The following P2RY8 variants were observed in gnomAD, a reference collection of about 807,000 sequenced individuals.
P2RY8 encodes S-geranylgeranyl-glutathione receptor P2RY8.
In P2RY8, 6 loss-of-function variants were observed where a neutral mutation model predicts 10.0. That is an observed-to-expected ratio of 0.60 (90% CI 0.33 to 1.19). The LOEUF (loss-of-function observed/expected upper bound fraction) is 1.19. P2RY8 is among the 50% of genes most tolerant of loss of function. The pLI is 0.04. For synonymous variants in P2RY8, 276 were observed against 252.5 expected (o/e 1.09, Z -0.88); for missense variants, 456 against 542.0 (o/e 0.84, Z 1.58).
intron 1 of P2RY8, among the ~76,000 whole-genome samples, chrX:1,483,263 C>T (rs1287415210): frequency 6.6e-6 from 1 of 152,098 alleles, no homozygotes; most frequent in East Asian, 1.9e-4. Context: ...GGAGAAGAAA[C>T]CGAGACGGTC....
chrX:1,532,317 C>T (rs2092480918), intron 1 of P2RY8, among the ~76,000 whole-genome samples: 3 of 22,944 alleles, frequency 1.3e-4, no homozygotes, highest in African/African-American at 1.9e-4. Flanking sequence ...CATATATATA[C>T]ACACACGTAT....
intron 1 of P2RY8, among the ~76,000 whole-genome samples, chrX:1,524,107 A>G (rs1439242409): frequency 6.6e-6 from 1 of 152,166 alleles, no homozygotes; most frequent in Non-Finnish European, 1.5e-5. Flanking sequence ...GTCTCCCCGT[A>G]ACCCCGTTCC....
At chrX:1,470,241 G>T (rs2091767558) in intron 1 of P2RY8, among the ~76,000 whole-genome samples, 2 of 147,060 alleles carry the variant, frequency 1.4e-5, no homozygotes, top group Non-Finnish European at 3.0e-5. Flanking sequence ...GCCAGGCGCG[G>T]TGACTCACGT....
chrX:1,525,107 C>G (rs772422640), intron 1 of P2RY8, among the ~76,000 whole-genome samples: 1 of 152,192 alleles, frequency 6.6e-6, no homozygotes, highest in African/African-American at 2.4e-5. Context: ...GAGTGGGGAC[C>G]CCCCAAAATC....
chrX:1,520,034 TC>T (rs1381371952), intron 1 of P2RY8, among the ~76,000 whole-genome samples: 1 of 151,804 alleles, frequency 6.6e-6, no homozygotes. Flanking sequence ...CAATCATCTC[TC>T]TCTGGTCCCC....
chrX:1,498,135 G>C (rs145428217), intron 1 of P2RY8, among the ~76,000 whole-genome samples: 1,528 of 152,100 alleles, frequency 0.01, 26 homozygotes, highest in African/African-American at 0.035. Flanking sequence ...GGCCGGGCGC[G>C]GTGGCTCACG....
chrX:1,490,643 C>T (rs2092036982), intron 1 of P2RY8, among the ~76,000 whole-genome samples: 2 of 136,020 alleles, frequency 1.5e-5, no homozygotes, highest in Admixed American at 1.5e-4. Context: ...GGATTCTCCA[C>T]AAATGTGGAG....
intron 1 of P2RY8, among the ~76,000 whole-genome samples, chrX:1,498,820 G>A (rs1460826544): frequency 3.3e-5 from 5 of 150,254 alleles, no homozygotes; most frequent in South Asian, 4.2e-4. Context: ...TGACAGGTGC[G>A]AACCACCGCA....
intron 1 of P2RY8, among the ~76,000 whole-genome samples, chrX:1,500,740 G>A (rs770030720): frequency 4.9e-4 from 74 of 152,200 alleles, no homozygotes; most frequent in African/African-American, 1.7e-3. Flanking sequence ...GAGGCCCTGC[G>A]CCCGGCCACG....
At chrX:1,474,173 G>A (rs2091844225) in intron 1 of P2RY8, among the ~76,000 whole-genome samples, 1 of 151,894 alleles carries the variant, frequency 6.6e-6, no homozygotes, top group South Asian at 2.1e-4. Flanking sequence ...TGGGTGTATG[G>A]ATGGGTGGAT....
At position 1,536,177 on chromosome X, in the gene P2RY8, G is replaced by A. The variant is rs191435658; in HGVS notation, c.-25+744C>T. Among the ~76,000 whole-genome samples the A allele has an allele frequency of 7.3e-3, 1,106 of 152,182 alleles. 13 individuals carry two copies. The highest frequency in any genetic ancestry group is 0.023 in the African/African-American group (973 of 41,520). Reference sequence around the variant, plus strand: ...CATTGAAAAAACTGCAATCTCAGGCGTAAATGGGTTACGTGCAGCAGCCGC... The same window carrying A: ...CATTGAAAAAACTGCAATCTCAGGCATAAATGGGTTACGTGCAGCAGCCGC... On this transcript the variant is annotated intron_variant, in intron 1 of 1. Coordinates refer to ENST00000381297, the MANE Select transcript of P2RY8 (RefSeq NM_178129.5).
chrX:1,531,788 G>C (rs1333604440), intron 1 of P2RY8, among the ~76,000 whole-genome samples: 1 of 152,136 alleles, frequency 6.6e-6, no homozygotes, highest in African/African-American at 2.4e-5. Flanking sequence ...GTCCCAGCCC[G>C]GCTCAGCGGC....
chrX:1,505,356 C>T (rs1484231571), intron 1 of P2RY8, among the ~76,000 whole-genome samples: 1 of 152,140 alleles, frequency 6.6e-6, no homozygotes, highest in Non-Finnish European at 1.5e-5. Flanking sequence ...TTGGCCTTGG[C>T]GTCTTAATGA....
chrX:1,495,068 A>G (rs1312801373), intron 1 of P2RY8, among the ~76,000 whole-genome samples: 1 of 151,660 alleles, frequency 6.6e-6, no homozygotes, highest in African/African-American at 2.4e-5. Context: ...ATGCTAAGAC[A>G]GTTTTTTATT....
intron 1 of P2RY8, among the ~76,000 whole-genome samples, chrX:1,492,965 T>C (rs2092068191): frequency 6.6e-6 from 1 of 151,950 alleles, no homozygotes; most frequent in Non-Finnish European, 1.5e-5. Flanking sequence ...CAGTTTCCGT[T>C]ACTGGTAAAA....
chrX:1,526,031 T>C (rs61246161), intron 1 of P2RY8, among the ~76,000 whole-genome samples: 3,527 of 151,872 alleles, frequency 0.023, 157 homozygotes, highest in African/African-American at 0.082. Flanking sequence ...ATTCATTCCT[T>C]ATCCAGCCGC....
intron 1 of P2RY8, among the ~76,000 whole-genome samples, chrX:1,527,356 C>T (rs2092446018): frequency 6.6e-6 from 1 of 151,858 alleles, no homozygotes. Flanking sequence ...ATCCACTTAT[C>T]CATACATCCA....
At chrX:1,514,228 A>G (rs2092321451) in intron 1 of P2RY8, among the ~76,000 whole-genome samples, 2 of 152,080 alleles carry the variant, frequency 1.3e-5, no homozygotes, top group South Asian at 4.1e-4. Flanking sequence ...TTTAATCTTG[A>G]TGTCTGCTCA....
At position 1,466,534 on chromosome X, in the gene P2RY8, G is replaced by T. The variant is rs1396602739; in HGVS notation, c.25C>A (p.Pro9Thr). The T allele has an allele frequency of 1.2e-6, 2 of 1,608,244 alleles. No homozygotes were observed. Among genetic ancestry groups the T allele is most frequent in the Non-Finnish European group, 1.7e-6 (2 of 1,179,212 alleles). MQVPNSTG[P>T]DNATLQMLRN... Reference sequence around the variant, plus strand: ...AGCATCTGCAGCGTCGCGTTGTCCGGGCCGGTGCTGTTCGGGACCTGCATC... The same window carrying T: ...AGCATCTGCAGCGTCGCGTTGTCCGTGCCGGTGCTGTTCGGGACCTGCATC... The change falls in exon 2 of 2, where the codon CCG becomes ACG. Residue 9 changes from proline (P) to threonine (T), a missense_variant. Pro to Thr is a conservative substitution (Grantham distance 38, BLOSUM62 -1). Transcript: ENST00000381297.
Sources: allele counts gnomAD v4.1 joint callset (sites outside exome capture counted in the v4.1 genomes callset), GRCh38; gene constraint gnomAD v4.1.1; transcripts MANE v1.5; gene names NCBI Gene and HGNC (gene_info 2026-07-23, HGNC 2026-07-21).